MED11: variants seen among roughly 807,000 people sequenced by gnomAD.
MED11 encodes the protein mediator of RNA polymerase II transcription subunit 11.
In MED11, 19 loss-of-function variants were observed where a neutral mutation model predicts 13.9. That is an observed-to-expected ratio of 1.36 (90% CI 0.95 to 2.00). The LOEUF is 2.00. MED11 is among the 30% of genes most tolerant of loss of function. The pLI, the probability that MED11 is intolerant of heterozygous loss-of-function variation, is 0.00. For missense variants in MED11, 134 were observed against 150.2 expected (o/e 0.89, Z 0.56); for synonymous variants, 67 against 62.1 (o/e 1.08, Z -0.37).
Position 4,731,503 on chromosome 17 carries a change from G to A in MED11, c.14G>A (p.Ser5Asn). Residue 5 changes from serine (S) to asparagine (N), a missense_variant, in exon 1 of 3, where the codon AGC (serine) becomes AAC (asparagine). Coordinates refer to ENST00000293777, the MANE Select transcript of MED11 (RefSeq NM_001001683.4). ...CCCAGAGTGATAATGGCTACCTACAGCCTGGCGAACGAGAGACTACGCGCT... is the reference window on the plus strand; with the variant it reads ...CCCAGAGTGATAATGGCTACCTACAACCTGGCGAACGAGAGACTACGCGCT... MATY[S>N]LANERLRALE... is the part of the protein sequence containing the mutation. 6.2e-7 allele frequency: 1 copy of A among 1,614,118 alleles called. No individual in the cohort carries two copies. Among genetic ancestry groups the A allele is most frequent in the Non-Finnish European group, 8.5e-7 (1 of 1,180,014 alleles).
chr17:4,731,909 C>T lies in MED11; in HGVS notation c.216+3C>T. 1.2e-6 allele frequency: 2 copies of T among 1,613,252 alleles called. No individual in the cohort carries two copies. Among genetic ancestry groups the T allele is most frequent in the Non-Finnish European group, 1.7e-6 (2 of 1,179,576 alleles). ...CTCAGATCCGCTACCTCACCCAGGT[C>T]GGTGTGTCTGGGGGGTTCTGCGAGC... On this transcript the variant is annotated splice_donor_region_variant and intron_variant, in intron 2 of 2. Coordinates refer to ENST00000293777, the MANE Select transcript of MED11 (RefSeq NM_001001683.4).
Position 4,733,408 on chromosome 17 carries a change from G to A in MED11, c.*221G>A. The stretch of plus-strand genomic sequence containing the variant: ...CAGGGTGCTCCTGCTCTGCACTCCA[G>A]AAACACCCTGACAGGCTCAGAGAGG... On this transcript the variant is annotated 3_prime_UTR_variant, in exon 3 of 3. Coordinates refer to ENST00000293777, the MANE Select transcript of MED11 (RefSeq NM_001001683.4). 2 of 508,264 alleles carry A rather than the reference G, an allele frequency of 3.9e-6. No individual in the cohort carries two copies. Among genetic ancestry groups the A allele is most frequent in the Non-Finnish European group, 7.0e-6 (2 of 285,728 alleles). The allele number at this position is 508,264 out of a possible 1,614,324, so 31.5% of individuals were successfully genotyped here.
chr17:4,731,600 CG>C, intron 1 of MED11, 26 bp downstream of exon 1: 1 of 1,613,442 alleles, frequency 6.2e-7, no homozygotes, highest in Non-Finnish European at 8.5e-7. Flanking sequence ...ACCTGGACAG[CG>C]GGGAGCGAAA....
At position 4,733,219 on chromosome 17, in the gene MED11, G is replaced by T; in HGVS notation, c.*32G>T. ...GAGATGGACCCAGAGCTGAGAGGGA[G>T]ACCATCACCTGTGCCATGGGACAGA... On this transcript the variant is annotated 3_prime_UTR_variant, in exon 3 of 3. Transcript: ENST00000293777. 6.2e-7 allele frequency: 1 copy of T among 1,613,166 alleles called. No individual in the cohort carries two copies. The highest frequency in any genetic ancestry group is 2.2e-5 in the East Asian group (1 of 44,862).
At chr17:4,732,096 T>A in intron 2 of MED11, 190 bp downstream of exon 2, 1 of 606,422 alleles carries the variant, frequency 1.6e-6, no homozygotes, top group Non-Finnish European at 2.7e-6. Context: ...GAGACCAGCC[T>A]GGCCAACACG....
chr17:4,733,192 G>C lies in MED11; in HGVS notation c.*5G>C, dbSNP rs1286056672. On this transcript the variant is annotated 3_prime_UTR_variant, in exon 3 of 3. Transcript: ENST00000293777. The stretch of plus-strand genomic sequence containing the variant: ...GAGCAGATGCTGGAGAACTAGGCCA[G>C]GGAGATGGACCCAGAGCTGAGAGGG... 1.9e-6 allele frequency: 3 copies of C among 1,614,078 alleles called. No homozygotes were observed. Among genetic ancestry groups the C allele is most frequent in the South Asian group, 2.2e-5 (2 of 91,074 alleles).
intron 2 of MED11, 134 bp downstream of exon 2, chr17:4,732,040 C>T: frequency 9.0e-7 from 1 of 1,115,374 alleles, no homozygotes; most frequent in Non-Finnish European, 1.2e-6. Flanking sequence ...GGGTTTCTTC[C>T]TCTAAAAGGA....
Position 4,733,310 on chromosome 17 carries a change from A to C in MED11, c.*123A>C. ...ACCCTGCTGGTCAAAGTACCCTAGG[A>C]CAAAGGGGCAAATGGTGGGCATGGA... On this transcript the variant is annotated 3_prime_UTR_variant, in exon 3 of 3. Transcript: ENST00000293777. The C allele has an allele frequency of 8.0e-7, 1 of 1,244,580 alleles. No homozygotes were observed. The highest frequency in any genetic ancestry group is 1.1e-6 in the Non-Finnish European group (1 of 906,062). The allele number at this position is 1,244,580 out of a possible 1,614,324, so 77.1% of individuals were successfully genotyped here.
rs1915974252 is a variant in MED11 at position 4,731,518 on chromosome 17, G to C, written c.29G>C (p.Arg10Thr). Reference sequence around the variant, plus strand: ...GCTACCTACAGCCTGGCGAACGAGAGACTACGCGCTCTGGAAGACATTGAA... The same window carrying C: ...GCTACCTACAGCCTGGCGAACGAGACACTACGCGCTCTGGAAGACATTGAA... MATYSLANE[R>T]LRALEDIERE... Residue 10 changes from arginine to threonine, a missense_variant, in exon 1 of 3, where the codon AGA (arginine) becomes ACA (threonine). Arg to Thr is a moderately conservative substitution (Grantham distance 71, BLOSUM62 -1). Transcript: ENST00000293777. 1.2e-6 allele frequency: 2 copies of C among 1,614,150 alleles called. No individual in the cohort carries two copies. Among genetic ancestry groups the C allele is most frequent in the African/African-American group, 2.7e-5 (2 of 75,056 alleles).
In MED11 at chr17:4,733,481, G is replaced by C. The variant is rs1001903939; in HGVS notation, c.*294G>C. ...CCCACTTCCTCAAACACTTCATGCTGCTGCCCCAGCCTTCCCGCAGACTTG... is the reference window on the plus strand; with the variant it reads ...CCCACTTCCTCAAACACTTCATGCTCCTGCCCCAGCCTTCCCGCAGACTTG... On this transcript the variant is annotated 3_prime_UTR_variant, in exon 3 of 3. Coordinates refer to ENST00000293777, the MANE Select transcript of MED11 (RefSeq NM_001001683.4). 8.8e-5 allele frequency: 27 copies of C among 305,654 alleles called. No individual in the cohort carries two copies. In the East Asian group the frequency reaches 1.6e-3, roughly 19 times the overall value. The allele number at this position is 305,654 out of a possible 1,614,324, so 18.9% of individuals were successfully genotyped here. A position where few individuals can be genotyped will look rare whatever the true frequency, so the allele number is the denominator to read the frequency against.
intron 1 of MED11, 35 bp from the exon 2 acceptor site, chr17:4,731,741 C>A (rs778714033): frequency 6.2e-7 from 1 of 1,609,802 alleles, no homozygotes; most frequent in East Asian, 2.2e-5. Flanking sequence ...CACTGGCAGT[C>A]TCCGTGTGTC....
intron 2 of MED11, chr17:4,732,235 C>T: frequency 6.2e-6 from 2 of 325,088 alleles, no homozygotes; most frequent in Non-Finnish European, 1.1e-5. Context: ...ACCAGCCTGG[C>T]CAACATGGTG....
Position 4,733,051 on chromosome 17 carries a change from T to TG in MED11, c.220dup (p.Ala74GlyfsTer7). 1 of 1,614,082 alleles carries TG rather than the reference T, an allele frequency of 6.2e-7. No homozygotes were observed. The highest frequency in any genetic ancestry group is 8.5e-7 in the Non-Finnish European group (1 of 1,179,996). On this transcript the variant is annotated frameshift_variant and splice_region_variant, in exon 3 of 3. Transcript: ENST00000293777. LOFTEE classifies it high-confidence loss of function. ...CTCCATTGATAGTCTGTCTTGTAGG[T>TG]GGCCACAGGGCAGCCCCATGAGGGC...
At position 4,732,016 on chromosome 17, in the gene MED11, C is replaced by T. The variant is rs754724605; in HGVS notation, c.216+110C>T. 6.0e-6 allele frequency: 8 copies of T among 1,338,390 alleles called. No individual in the cohort carries two copies. The South Asian group carries it at 1.0e-4, about 18-fold the overall frequency. The allele number at this position is 1,338,390 out of a possible 1,614,324, so 82.9% of individuals were successfully genotyped here. A position where few individuals can be genotyped will look rare whatever the true frequency, so the allele number is the denominator to read the frequency against. On this transcript the variant is annotated intron_variant, in intron 2 of 2. Coordinates refer to ENST00000293777, the MANE Select transcript of MED11 (RefSeq NM_001001683.4). ...CTGGGCAGGACCAGACCTCCCCAGC[C>T]GGCCATCCAGAGCGGGTTTCTTCCT...
Position 4,733,106 on chromosome 17 carries a change from G to C in MED11, c.273G>C (p.Gln91His). 6.2e-7 allele frequency: 1 copy of C among 1,614,188 alleles called. No homozygotes were observed. The highest frequency in any genetic ancestry group is 8.5e-7 in the Non-Finnish European group (1 of 1,180,036). Residue 91 changes from glutamine to histidine, a missense_variant, in exon 3 of 3, where the codon CAG becomes CAC. Transcript: ENST00000293777. Reference sequence around the variant, plus strand: ...GCTACTCTTCGAGGAAGGACTGTCAGATGGCTCTGAAGCGAGTGGACTATG... The same window carrying C: ...GCTACTCTTCGAGGAAGGACTGTCACATGGCTCTGAAGCGAGTGGACTATG... ...GSSYSSRKDC[Q>H]MALKRVDYAR...
chr17:4,732,145 C>A (rs1222670314), intron 2 of MED11: 1 of 486,422 alleles, frequency 2.1e-6, no homozygotes, highest in Admixed American at 3.7e-5. Context: ...AAAATTAGGC[C>A]AGGCTCGGTG....
In MED11 at chr17:4,733,032, T is replaced by G. The variant is rs745486694; in HGVS notation, c.217-18T>G. ...TAGGGTAAAGGAGATGGTGCTCCATTGATAGTCTGTCTTGTAGGTGGCCAC... is the reference window on the plus strand; with the variant it reads ...TAGGGTAAAGGAGATGGTGCTCCATGGATAGTCTGTCTTGTAGGTGGCCAC... On this transcript the variant is annotated intron_variant, in intron 2 of 2. Coordinates refer to ENST00000293777, the MANE Select transcript of MED11 (RefSeq NM_001001683.4). 1 of 1,613,382 alleles carries G rather than the reference T, an allele frequency of 6.2e-7. No individual in the cohort carries two copies. The highest frequency in any genetic ancestry group is 1.7e-5 in the Admixed American group (1 of 59,910).
rs373720064 is a variant in MED11, at chr17:4,733,070, T to C, written c.237T>C (p.His79=). ...TGTAGGTGGCCACAGGGCAGCCCCA[T>C]GAGGGCTCCAGCTACTCTTCGAGGA... ...YLTQVATGQP[H]EGSSYSSRKD... is the part of the protein sequence containing the mutation. Residue 79 remains histidine, a synonymous_variant, in exon 3 of 3, where the codon CAT becomes CAC. Coordinates refer to ENST00000293777, the MANE Select transcript of MED11 (RefSeq NM_001001683.4). 12 of 1,614,110 alleles carry C rather than the reference T, an allele frequency of 7.4e-6. No individual in the cohort carries two copies. The highest frequency in any genetic ancestry group is 1.7e-5 in the Admixed American group (1 of 60,000).
chr17:4,731,716 C>CTACA, intron 1 of MED11, 60 bp from the exon 2 acceptor site: 1 of 1,607,156 alleles, frequency 6.2e-7, no homozygotes, highest in Non-Finnish European at 8.5e-7. Flanking sequence ...GAGGGGCTGG[C>CTACA]CTAGGGAGAG....
Sources: allele counts gnomAD v4.1 joint callset, GRCh38; gene constraint gnomAD v4.1.1; transcripts MANE v1.5; gene names NCBI Gene and HGNC (gene_info 2026-07-23, HGNC 2026-07-21).